Variants in IKBIP observed in about 807,000 individuals in gnomAD.
IKBIP encodes the protein IKBKB interacting protein, also known as inhibitor of nuclear factor kappa-B kinase-interacting protein.
In IKBIP, 28 loss-of-function variants were observed where a neutral mutation model predicts 31.0. The observed-to-expected ratio is 0.90, with a 90% CI of 0.67 to 1.24. The LOEUF is 1.24. Among genes scored for constraint, IKBIP ranks in the 50% most tolerant of loss-of-function variants. The pLI is 0.00. For synonymous variants in IKBIP, 164 were observed against 160.3 expected, an observed-to-expected ratio of 1.02 and a Z score of -0.17; for missense variants, 453 against 441.9, an observed-to-expected ratio of 1.03 and a Z score of -0.23.
intron 2 of IKBIP, among the ~76,000 whole-genome samples, chr12:98,616,899 G>A (rs2097606580): frequency 6.6e-6 from 1 of 151,978 alleles, no homozygotes; most frequent in Admixed American, 6.6e-5. Context: ...AATATATTTT[G>A]AGATCGGGTA....
downstream of IKBIP, among the ~76,000 whole-genome samples, chr12:98,620,907 G>T (rs933469888): frequency 6.6e-6 from 1 of 151,200 alleles, no homozygotes; most frequent in South Asian, 2.1e-4. Context: ...AAGCCAGAAG[G>T]CATCTTAGGG....
At chr12:98,644,488 A>T in intron 1 of IKBIP, 35 bp downstream of exon 1, 1 of 1,540,000 alleles carries the variant, frequency 6.5e-7, no homozygotes, top group Middle Eastern at 1.9e-4. Context: ...GGGGGCCCAC[A>T]GGAGGCCGGC....
chr12:98,633,510 CTTTT>C (rs71432181), intron 2 of IKBIP, among the ~76,000 whole-genome samples: 1 of 61,372 alleles, frequency 1.6e-5, no homozygotes, highest in African/African-American at 6.8e-5. Flanking sequence ...TTTTTTAATT[CTTTT>C]TTTTTTTTTT....
chr12:98,638,673 C>G (rs979762484), intron 1 of IKBIP, among the ~76,000 whole-genome samples: 1 of 152,164 alleles, frequency 6.6e-6, no homozygotes, highest in African/African-American at 2.4e-5. Flanking sequence ...CAGCCTTGAA[C>G]TCCTGGGCTC....
chr12:98,637,565 C>T (rs1220040336), intron 1 of IKBIP, among the ~76,000 whole-genome samples: 1 of 152,034 alleles, frequency 6.6e-6, no homozygotes, highest in East Asian at 1.9e-4. Flanking sequence ...TGTGCCAACA[C>T]ACCCAGCTAA....
intron 1 of IKBIP, among the ~76,000 whole-genome samples, chr12:98,635,108 C>A (rs1050574114): frequency 1.3e-5 from 2 of 151,380 alleles, no homozygotes; most frequent in South Asian, 2.1e-4. Context: ...TGGGTTCAAG[C>A]GATTCTCCTC....
intron 1 of IKBIP, among the ~76,000 whole-genome samples, chr12:98,643,447 T>C (rs2097632770): frequency 6.6e-6 from 1 of 152,042 alleles, no homozygotes; most frequent in African/African-American, 2.4e-5. Context: ...TCTATTAAGA[T>C]GCCAATCTTA....
downstream of IKBIP, among the ~76,000 whole-genome samples, chr12:98,619,593 T>TA (rs2097608477): frequency 1.3e-5 from 2 of 152,102 alleles, no homozygotes; most frequent in Non-Finnish European, 2.9e-5. Context: ...ATAGAAGAGT[T>TA]AGAGTCTATC....
In IKBIP at chr12:98,626,238, T is replaced by C. The variant is rs776453210; in HGVS notation, c.826A>G (p.Ile276Val). ...VEECKTHLPT[I>V]ESAIHSVLRV... Reference sequence around the variant, plus strand: ...AGAACAGAGTGAATAGCACTTTCAATTGTTGGCAAATGTGTCTTGCATTCT... The same window carrying C: ...AGAACAGAGTGAATAGCACTTTCAACTGTTGGCAAATGTGTCTTGCATTCT... The change falls in exon 3 of 3, where the codon ATT becomes GTT. Residue 276 changes from isoleucine (I) to valine (V), a missense_variant. Physicochemically the swap from Ile to Val is conservative, Grantham distance 29 (BLOSUM62 3). Coordinates refer to ENST00000299157, the MANE Select transcript of IKBIP (RefSeq NM_153687.4). 6.2e-7 allele frequency: 1 copy of C among 1,614,198 alleles called. No homozygotes were observed. The highest frequency in any genetic ancestry group is 8.5e-7 in the Non-Finnish European group (1 of 1,180,012).
intron 2 of IKBIP, among the ~76,000 whole-genome samples, chr12:98,630,108 G>A (rs2097618536): frequency 1.3e-5 from 2 of 151,994 alleles, no homozygotes; most frequent in Non-Finnish European, 2.9e-5. Flanking sequence ...GTAGGGCCAG[G>A]TGCGGTGGCT....
intron 2 of IKBIP, among the ~76,000 whole-genome samples, chr12:98,616,891 T>C (rs1349414125): frequency 1.3e-5 from 2 of 152,216 alleles, no homozygotes; most frequent in African/African-American, 2.4e-5. Context: ...AGCTTTGTAA[T>C]ATATTTTGAG....
At chr12:98,637,580 T>G (rs147576493) in intron 1 of IKBIP, among the ~76,000 whole-genome samples, 5 of 152,074 alleles carry the variant, frequency 3.3e-5, no homozygotes, top group Admixed American at 2.0e-4. Context: ...AGCTAATTTT[T>G]GTATTTTTAG....
chr12:98,641,299 G>A (rs1021184771), intron 1 of IKBIP, among the ~76,000 whole-genome samples: 2 of 152,076 alleles, frequency 1.3e-5, no homozygotes, highest in Non-Finnish European at 2.9e-5. Context: ...ATATGCACTT[G>A]TATTTTAACC....
chr12:98,614,700 G>A (rs533241730), intron 2 of IKBIP, among the ~76,000 whole-genome samples: 1 of 152,024 alleles, frequency 6.6e-6, no homozygotes, highest in Non-Finnish European at 1.5e-5. Flanking sequence ...TCCATGCCTG[G>A]GATTACAGGC....
At chr12:98,631,801 A>G (rs1258854557) in intron 2 of IKBIP, among the ~76,000 whole-genome samples, 1 of 151,474 alleles carries the variant, frequency 6.6e-6, no homozygotes, top group Non-Finnish European at 1.5e-5. Flanking sequence ...CAAAAAAAAA[A>G]AGAAAAAAAA....
intron 2 of IKBIP, among the ~76,000 whole-genome samples, chr12:98,614,563 T>G (rs1253533685): frequency 1.3e-5 from 2 of 152,086 alleles, no homozygotes; most frequent in East Asian, 3.8e-4. Flanking sequence ...TAGCTGGGAT[T>G]ACAGGCACCC....
At chr12:98,627,439 CTTTTT>C (rs11314734) in intron 2 of IKBIP, among the ~76,000 whole-genome samples, 2 of 119,608 alleles carry the variant, frequency 1.7e-5, no homozygotes, top group Non-Finnish European at 1.7e-5. Flanking sequence ...TTTTCTTTTT[CTTTTT>C]TTTTTTTTTT....
downstream of IKBIP, among the ~76,000 whole-genome samples, chr12:98,620,192 A>G (rs1291551876): frequency 6.7e-6 from 1 of 149,214 alleles, no homozygotes; most frequent in African/African-American, 2.5e-5. Flanking sequence ...AAGTGCTGGG[A>G]TTACAGGCAT....
chr12:98,636,049 A>G (rs1329836473), intron 1 of IKBIP, among the ~76,000 whole-genome samples: 1 of 152,222 alleles, frequency 6.6e-6, no homozygotes, highest in Non-Finnish European at 1.5e-5. Context: ...ATTGTCTTGG[A>G]TCCAATACCA....
Sources: gnomAD v4.1 joint callset for allele counts (sites outside exome capture counted in the v4.1 genomes callset) on GRCh38, gnomAD v4.1.1 for gene constraint, MANE v1.5 for transcripts, NCBI Gene and HGNC (gene_info 2026-07-23, HGNC 2026-07-21) for gene names.